Variants in MSH3 observed in about 807,000 individuals in gnomAD.
The protein encoded by MSH3 is DNA mismatch repair protein Msh3.
A neutral mutation model predicts 123.3 loss-of-function variants in MSH3; 106 were observed. The ratio of observed to expected loss-of-function variants is 0.86; its 90% CI spans 0.73 to 1.01. The LOEUF (loss-of-function observed/expected upper bound fraction) is 1.01, where lower values mean the gene tolerates loss of function less well. Among genes scored for constraint, MSH3 ranks in the 50% least tolerant of loss-of-function variants. MSH3 has a pLI of 0.00. For synonymous variants in MSH3, 515 were observed against 481.4 expected (o/e 1.07, Z -0.91); for missense variants, 1,459 against 1,347.6 (o/e 1.08, Z -1.29).
chr5:80,848,731 T>G (rs1209798324), intron 20 of MSH3, among the ~76,000 whole-genome samples: 1 of 152,192 alleles, frequency 6.6e-6, no homozygotes, highest in East Asian at 1.9e-4. Flanking sequence ...CATTTCCCAC[T>G]GGGTCCCTCC....
At chr5:80,851,684 T>G (rs1745833179) in intron 20 of MSH3, among the ~76,000 whole-genome samples, 1 of 152,228 alleles carries the variant, frequency 6.6e-6, no homozygotes, top group African/African-American at 2.4e-5. Flanking sequence ...AGATTAAATT[T>G]CATCTATATA....
At chr5:80,761,011 T>C (rs1481585739) in intron 12 of MSH3, among the ~76,000 whole-genome samples, 1 of 152,180 alleles carries the variant, frequency 6.6e-6, no homozygotes, top group Non-Finnish European at 1.5e-5. Context: ...ATACCTGCTC[T>C]TTGATTCAGA....
At chr5:80,768,709 G>T (rs1744166206) in intron 14 of MSH3, 126 bp from the exon 15 acceptor site, 1 of 785,058 alleles carries the variant, frequency 1.3e-6, no homozygotes, top group Non-Finnish European at 2.1e-6. Context: ...TAAGTGCTTA[G>T]TGACAATTGG....
intron 16 of MSH3, among the ~76,000 whole-genome samples, chr5:80,776,240 C>A (rs1271840639): frequency 6.6e-6 from 1 of 152,126 alleles, no homozygotes; most frequent in Non-Finnish European, 1.5e-5. Context: ...AACTCTTTAT[C>A]ATTGATTTTA....
At chr5:80,770,863 G>A (rs1744203024) in intron 15 of MSH3, among the ~76,000 whole-genome samples, 1 of 152,134 alleles carries the variant, frequency 6.6e-6, no homozygotes, top group Admixed American at 6.5e-5. Flanking sequence ...AAATTATCAG[G>A]AATTCATAAG....
intron 12 of MSH3, among the ~76,000 whole-genome samples, chr5:80,752,001 T>C (rs1743848107): frequency 6.6e-6 from 1 of 152,124 alleles, no homozygotes; most frequent in African/African-American, 2.4e-5. Context: ...GCCAATCTTG[T>C]GCAATTTTGT....
At chr5:80,672,184 A>G (rs182318053) in intron 4 of MSH3, 60 bp from the exon 5 acceptor site, 12 of 1,206,222 alleles carry the variant, frequency 9.9e-6, no homozygotes, top group African/African-American at 1.5e-5. Flanking sequence ...AAGTGAACCA[A>G]CATCACATAG....
chr5:80,691,028 A>C (rs558164053), intron 8 of MSH3, among the ~76,000 whole-genome samples: 1 of 152,064 alleles, frequency 6.6e-6, no homozygotes, highest in South Asian at 2.1e-4. Flanking sequence ...ATGATTAATA[A>C]ATGTTATTCA....
chr5:80,724,144 A>T (rs893072195), intron 8 of MSH3, among the ~76,000 whole-genome samples: 1 of 152,234 alleles, frequency 6.6e-6, no homozygotes, highest in Non-Finnish European at 1.5e-5. Flanking sequence ...ATATTTTTAA[A>T]TAAAAATGTT....
intron 12 of MSH3, among the ~76,000 whole-genome samples, chr5:80,757,420 G>A (rs6151772): frequency 6.6e-6 from 1 of 152,070 alleles, no homozygotes; most frequent in African/African-American, 2.4e-5. Flanking sequence ...ACTGACAATA[G>A]CTATAGGTCA....
chr5:80,700,082 T>C (rs1221777509), intron 8 of MSH3, among the ~76,000 whole-genome samples: 1 of 152,142 alleles, frequency 6.6e-6, no homozygotes, highest in Non-Finnish European at 1.5e-5. Context: ...AATCTAGAAT[T>C]AGAAAATAAA....
intron 2 of MSH3, among the ~76,000 whole-genome samples, chr5:80,662,554 C>T (rs367907390): frequency 5.3e-5 from 8 of 152,204 alleles, no homozygotes; most frequent in African/African-American, 1.9e-4. Flanking sequence ...GGGCGGGGCA[C>T]GGTGGCTCAC....
chr5:80,834,196 T>C (rs951075237), intron 20 of MSH3, among the ~76,000 whole-genome samples: 1 of 152,128 alleles, frequency 6.6e-6, no homozygotes, highest in Non-Finnish European at 1.5e-5. Context: ...TGGCTCCTAA[T>C]GCAGTGGCCT....
intron 12 of MSH3, among the ~76,000 whole-genome samples, chr5:80,748,047 C>G (rs1057067980): frequency 3.3e-5 from 5 of 152,158 alleles, no homozygotes; most frequent in African/African-American, 1.2e-4. Context: ...CTGACATTGA[C>G]TGCCAAAGGT....
At chr5:80,683,036 C>T (rs1446731153) in intron 8 of MSH3, among the ~76,000 whole-genome samples, 1 of 152,164 alleles carries the variant, frequency 6.6e-6, no homozygotes, top group African/African-American at 2.4e-5. Flanking sequence ...ATGACAGGAT[C>T]TCATTCCTTT....
At chr5:80,722,085 G>A (rs1213438777) in intron 8 of MSH3, among the ~76,000 whole-genome samples, 1 of 152,100 alleles carries the variant, frequency 6.6e-6, no homozygotes, top group Non-Finnish European at 1.5e-5. Flanking sequence ...CCTTCTTTCT[G>A]AATTTTAACC....
In MSH3 at chr5:80,778,783, G is replaced by T. The variant is rs1282862844; in HGVS notation, c.2382G>T (p.Gln794His). 6.2e-7 allele frequency: 1 copy of T among 1,613,216 alleles called. No individual in the cohort carries two copies. Residue 794 changes from glutamine to histidine, a missense_variant, in exon 17 of 24, where the codon CAG (glutamine) becomes CAT (histidine). By Grantham distance (24) the Gln-to-His change is conservative. Transcript: ENST00000265081. ...TAGAAAATTACAGACATCTGAATCA[G>T]CTCCGGGAGCAGCTAGTCCTTGACT... The part of the protein sequence containing the change: ...FIVENYRHLN[Q>H]LREQLVLDCS...
At chr5:80,666,740 G>A (rs1382921414) in intron 3 of MSH3, among the ~76,000 whole-genome samples, 1 of 152,184 alleles carries the variant, frequency 6.6e-6, no homozygotes, top group Non-Finnish European at 1.5e-5. Flanking sequence ...GTGATAAGCT[G>A]TTTGATGGCA....
intron 20 of MSH3, among the ~76,000 whole-genome samples, chr5:80,824,705 A>G (rs1337528265): frequency 6.6e-6 from 1 of 152,232 alleles, no homozygotes; most frequent in Non-Finnish European, 1.5e-5. Flanking sequence ...ACATTTCACA[A>G]GTCTACAAGT....
Sources: gnomAD v4.1 joint callset for allele counts (sites outside exome capture counted in the v4.1 genomes callset) on GRCh38, gnomAD v4.1.1 for gene constraint, MANE v1.5 for transcripts, NCBI Gene and HGNC (gene_info 2026-07-23, HGNC 2026-07-21) for gene names.